The following TEX29 variants were observed in gnomAD, a reference collection of about 807,000 sequenced individuals.
The protein encoded by TEX29 is testis expressed 29, also known as testis-expressed protein 29.
A neutral mutation model predicts 18.2 loss-of-function variants in TEX29; 26 were observed. That is an observed-to-expected ratio of 1.43 (90% CI 1.04 to 1.98). The LOEUF (loss-of-function observed/expected upper bound fraction) is 1.98. Among genes scored for constraint, TEX29 ranks in the 30% most tolerant of loss-of-function variants. The probability of loss-of-function intolerance (pLI) is 0.00; values close to 1 mark genes in which losing one functional copy is unlikely to be tolerated. For missense variants in TEX29, 177 were observed against 194.2 expected (o/e 0.91, Z 0.53); for synonymous variants, 83 against 78.5 (o/e 1.06, Z -0.31).
Position 111,339,937 on chromosome 13 carries a change from G to T in TEX29, c.239+5G>T, listed in dbSNP as rs1159962754. ...CGTCATCACCATCATCTACAGGTCGGTCCCTTTGTTCTTTACTGGGAGGGT... is the reference window on the plus strand; with the variant it reads ...CGTCATCACCATCATCTACAGGTCGTTCCCTTTGTTCTTTACTGGGAGGGT... On this transcript the variant is annotated splice_donor_5th_base_variant and intron_variant, in intron 4 of 5. Transcript: ENST00000283547. 6.5e-7 allele frequency: 1 copy of T among 1,548,978 alleles called. No individual in the cohort carries two copies. The highest frequency in any genetic ancestry group is 2.2e-5 in the East Asian group (1 of 44,860).
At chr13:111,343,392 G>A (rs1323121244) in intron 5 of TEX29, among the ~76,000 whole-genome samples, 2 of 151,622 alleles carry the variant, frequency 1.3e-5, no homozygotes, top group African/African-American at 4.8e-5. Flanking sequence ...TCTCTGTGGT[G>A]CCCTGGCCGC....
intron 5 of TEX29, 144 bp from the exon 6 acceptor site, chr13:111,343,939 A>T (rs2093700713): frequency 2.9e-6 from 2 of 697,910 alleles, no homozygotes; most frequent in East Asian, 2.5e-5. Flanking sequence ...ACATAGGAGG[A>T]TACGGCCATC....
chr13:111,330,439 C>T (rs1313246254), intron 3 of TEX29, among the ~76,000 whole-genome samples: 2 of 152,254 alleles, frequency 1.3e-5, no homozygotes, highest in African/African-American at 4.8e-5. Context: ...ACGGCTCCTG[C>T]AGATCCTGGC....
chr13:111,332,742 T>C (rs2093684464), intron 3 of TEX29, among the ~76,000 whole-genome samples: 1 of 152,246 alleles, frequency 6.6e-6, no homozygotes, highest in Non-Finnish European at 1.5e-5. Flanking sequence ...CTCCCTTCTC[T>C]TCCTGCTTTG....
upstream of TEX29, among the ~76,000 whole-genome samples, chr13:111,317,257 G>A (rs373837551): frequency 3.1e-3 from 479 of 152,222 alleles, 3 homozygotes; most frequent in South Asian, 0.023. Flanking sequence ...CCCGGGAGCC[G>A]TCCACTCTGA....
intron 3 of TEX29, among the ~76,000 whole-genome samples, chr13:111,329,541 A>G (rs1248920639): frequency 1.3e-5 from 2 of 151,610 alleles, no homozygotes; most frequent in Non-Finnish European, 2.9e-5. Flanking sequence ...ACTGATGGGA[A>G]TGAGTGACTG....
intron 2 of TEX29, 47 bp downstream of exon 2, chr13:111,320,995 T>TGGGGGGGGGCACCTGTG: frequency 3.1e-6 from 1 of 320,862 alleles, no homozygotes; most frequent in Non-Finnish European, 5.8e-6. Context: ...GGGGAGCAGT[T>TGGGGGGGGGCACCTGTG]GGGGGGGGGC....
intron 5 of TEX29, 52 bp from the exon 6 acceptor site, chr13:111,344,031 G>T (rs2093700861): frequency 1.2e-5 from 18 of 1,445,754 alleles, no homozygotes; most frequent in Non-Finnish European, 1.7e-5. Context: ...ATCTTTTCGG[G>T]ACTGCTGAAT....
intron 3 of TEX29, among the ~76,000 whole-genome samples, chr13:111,331,030 G>A (rs972652053): frequency 6.6e-6 from 1 of 152,158 alleles, no homozygotes; most frequent in Non-Finnish European, 1.5e-5. Flanking sequence ...AGGTTTTTGT[G>A]CAAACATGTT....
chr13:111,324,110 G>A (rs1268768412), intron 2 of TEX29, among the ~76,000 whole-genome samples: 2 of 152,320 alleles, frequency 1.3e-5, no homozygotes, highest in Admixed American at 1.3e-4. Context: ...AGGTCCTGGG[G>A]GTGCTGGTGG....
intron 5 of TEX29, among the ~76,000 whole-genome samples, chr13:111,343,497 C>T (rs919549897): frequency 1.6e-4 from 24 of 152,218 alleles, no homozygotes; most frequent in Admixed American, 7.8e-4. Flanking sequence ...GAGAGGTGGA[C>T]GATCACTCTA....
chr13:111,339,760 C>A, intron 3 of TEX29, 103 bp from the exon 4 acceptor site: 2 of 1,172,036 alleles, frequency 1.7e-6, no homozygotes, highest in Non-Finnish European at 2.5e-6. Context: ...GGCAGCCGCG[C>A]CGGGAGGGCC....
At chr13:111,317,861 G>A (rs190078817), upstream of TEX29, among the ~76,000 whole-genome samples, 69 of 152,246 alleles carry the variant, frequency 4.5e-4, no homozygotes, top group African/African-American at 1.2e-3. Flanking sequence ...ACAGCCGTCC[G>A]TCCCCTCCCC....
intron 2 of TEX29, among the ~76,000 whole-genome samples, chr13:111,326,624 G>T: frequency 6.7e-6 from 1 of 148,594 alleles, no homozygotes; most frequent in East Asian, 2.1e-4. Context: ...CTGTCTGGTG[G>T]GGTGGAGGAG....
intron 3 of TEX29, among the ~76,000 whole-genome samples, chr13:111,339,072 C>G (rs2093693511): frequency 6.6e-6 from 1 of 152,166 alleles, no homozygotes; most frequent in South Asian, 2.1e-4. Context: ...AGCAGTTCCT[C>G]CTCCCAGTTA....
chr13:111,342,595 G>C (rs75034799), intron 4 of TEX29, among the ~76,000 whole-genome samples, 161 bp from the exon 5 acceptor site: 1 of 143,204 alleles, frequency 7.0e-6, no homozygotes, highest in African/African-American at 2.6e-5. Context: ...AGAAAGAAAC[G>C]AAAATGAGAA....
upstream of TEX29, chr13:111,316,374 C>T (rs902081133): frequency 1.8e-5 from 8 of 437,712 alleles, no homozygotes; most frequent in East Asian, 1.4e-4. Context: ...CCTCGTGGAG[C>T]CCCCGCTGTC....
intron 3 of TEX29, 23 bp from the exon 4 acceptor site, chr13:111,339,840 C>T: frequency 6.2e-7 from 1 of 1,612,868 alleles, no homozygotes; most frequent in Non-Finnish European, 8.5e-7. Flanking sequence ...ATCGAAATGA[C>T]TTCAAATCCC....
intron 3 of TEX29, among the ~76,000 whole-genome samples, chr13:111,336,027 A>G (rs1362246729): frequency 2.6e-5 from 4 of 152,242 alleles, no homozygotes; most frequent in African/African-American, 9.6e-5. Flanking sequence ...GTGAGCCTTA[A>G]TCCCTATAGC....
Sources: gnomAD v4.1 joint callset for allele counts (sites outside exome capture counted in the v4.1 genomes callset) on GRCh38, gnomAD v4.1.1 for gene constraint, MANE v1.5 for transcripts, NCBI Gene and HGNC (gene_info 2026-07-23, HGNC 2026-07-21) for gene names.